ASCC1: variants seen among roughly 807,000 people sequenced by gnomAD.
ASCC1 encodes the protein ASC-1 complex subunit P50.
ASCC1 carries 35 observed loss-of-function variants against 46.6 expected under a neutral mutation model. The observed-to-expected ratio is 0.75, with a 90% CI of 0.57 to 0.99. The LOEUF (loss-of-function observed/expected upper bound fraction) is 0.99. Among genes scored for constraint, ASCC1 ranks in the 50% least tolerant of loss-of-function variants. The pLI is 0.00. For missense variants in ASCC1, 376 were observed against 428.7 expected (o/e 0.88, Z 1.09); for synonymous variants, 143 against 146.6 (o/e 0.98, Z 0.18).
intron 9 of ASCC1, among the ~76,000 whole-genome samples, chr10:72,111,850 G>C (rs1366360193): frequency 2.0e-5 from 3 of 152,120 alleles, no homozygotes. Context: ...CACTGTGTTA[G>C]CCAGGATGGT....
At chr10:72,111,609 T>C in intron 9 of ASCC1, among the ~76,000 whole-genome samples, 1 of 152,188 alleles carries the variant, frequency 6.6e-6, no homozygotes, top group East Asian at 1.9e-4. Flanking sequence ...GTATTAATTC[T>C]AAAATTGTTT....
chr10:72,103,428 G>A (rs896457350), intron 9 of ASCC1, among the ~76,000 whole-genome samples: 4 of 152,100 alleles, frequency 2.6e-5, no homozygotes, highest in South Asian at 2.1e-4. Context: ...CACCGCGCCC[G>A]GCCAATAGAT....
chr10:72,189,223 AC>A (rs1353796591), intron 5 of ASCC1, among the ~76,000 whole-genome samples: 1 of 147,996 alleles, frequency 6.8e-6, no homozygotes, highest in Non-Finnish European at 1.5e-5. Context: ...ACACGGTGAA[AC>A]CCCATCTCTA....
Position 72,097,449 on chromosome 10 carries a change from A to C in ASCC1, c.959T>G (p.Leu320Trp). The change falls in exon 10 of 10, where the codon TTG becomes TGG. Residue 320 changes from leucine to tryptophan, a missense_variant and splice_region_variant. Physicochemically the swap from Leu to Trp is moderately conservative, Grantham distance 61. Coordinates refer to ENST00000672957, the MANE Select transcript of ASCC1 (RefSeq NM_001198800.3). ...ESFDGRNILK[L>W]FENFYFGSLK... ...GGAGCCAAAGTAGAAGTTCTCAAACAACTGAAAAGGAAGAATAAAAACCCA... is the reference window on the plus strand; with the variant it reads ...GGAGCCAAAGTAGAAGTTCTCAAACCACTGAAAAGGAAGAATAAAAACCCA... 2 of 1,574,760 alleles carry C rather than the reference A, an allele frequency of 1.3e-6. No homozygotes were observed.
At chr10:72,121,530 A>C (rs1186797618) in intron 9 of ASCC1, among the ~76,000 whole-genome samples, 1 of 139,188 alleles carries the variant, frequency 7.2e-6, no homozygotes, top group Non-Finnish European at 1.5e-5. Context: ...AAAAAAAAAA[A>C]AGAAAAGTAA....
At chr10:72,152,381 T>C (rs945447047) in intron 7 of ASCC1, among the ~76,000 whole-genome samples, 15 of 152,094 alleles carry the variant, frequency 9.9e-5, no homozygotes, top group Non-Finnish European at 2.9e-5. Context: ...ATCCCCATTT[T>C]GTCCTGGTAT....
intron 5 of ASCC1, among the ~76,000 whole-genome samples, chr10:72,194,528 T>G (rs1855064474): frequency 6.6e-6 from 1 of 151,780 alleles, no homozygotes; most frequent in African/African-American, 2.4e-5. Context: ...ACATATACTG[T>G]TTTTTCACTT....
intron 7 of ASCC1, among the ~76,000 whole-genome samples, chr10:72,140,741 A>G (rs1846864921): frequency 6.6e-6 from 1 of 152,228 alleles, no homozygotes. Flanking sequence ...GTAAGCAAAA[A>G]CAATGTAAAA....
At position 72,151,992 on chromosome 10, in the gene ASCC1, A is replaced by AT. The variant is rs35458668; in HGVS notation, c.746+876dup. Reference sequence around the variant, plus strand: ...GCGTGAGCCACCGCAACCGGCCAATATTTTTTTTTTTTTTTTTGAGACAGG... The same window carrying AT: ...GCGTGAGCCACCGCAACCGGCCAATATTTTTTTTTTTTTTTTTTGAGACAGG... On this transcript the variant is annotated intron_variant, in intron 7 of 9. Transcript: ENST00000672957. Among the ~76,000 whole-genome samples, 167 of 118,214 alleles carry AT rather than the reference A, an allele frequency of 1.4e-3. 1 individual carries two copies. The highest frequency in any genetic ancestry group is 5.0e-3 in the African/African-American group (158 of 31,694). The allele number at this position is 118,214 out of a possible 152,430, so 77.6% of individuals were successfully genotyped here. A position where few individuals can be genotyped will look rare whatever the true frequency, so the allele number is the denominator to read the frequency against.
chr10:72,210,599 T>C (rs1332588815), intron 3 of ASCC1, 133 bp downstream of exon 3: 11 of 736,098 alleles, frequency 1.5e-5, no homozygotes, highest in Non-Finnish European at 2.6e-5. Context: ...CCTTTGACAT[T>C]TCAGGACATA....
At position 72,196,941 on chromosome 10, in the gene ASCC1, A is replaced by G. The variant is rs1429602898; in HGVS notation, c.359T>C (p.Ile120Thr). 2 of 1,613,650 alleles carry G rather than the reference A, an allele frequency of 1.2e-6. No individual in the cohort carries two copies. Among genetic ancestry groups the G allele is most frequent in the East Asian group, 2.2e-5 (1 of 44,876 alleles). The part of the protein sequence containing the change: ...RNGVISARTR[I>T]DVLLDTFRRK... ...TCGAAAAGTGTCCAAAAGAACATCA[A>G]TCCGTGTTCGGGCTGAAATTACACC... The change falls in exon 5 of 10, where the codon ATT (isoleucine) becomes ACT (threonine). Residue 120 changes from isoleucine (I) to threonine (T), a missense_variant. By Grantham distance (89) the Ile-to-Thr change is moderately conservative. Transcript: ENST00000672957.
intron 9 of ASCC1, among the ~76,000 whole-genome samples, chr10:72,121,037 T>A (rs898381856): frequency 3.3e-5 from 5 of 152,216 alleles, no homozygotes; most frequent in African/African-American, 1.2e-4. Context: ...ATAATCACTT[T>A]AAACATCAAT....
At chr10:72,133,281 T>C in intron 7 of ASCC1, 100 bp from the exon 8 acceptor site, 2 of 1,233,976 alleles carry the variant, frequency 1.6e-6, no homozygotes, top group South Asian at 1.2e-5. Context: ...TCTGTGCTAA[T>C]CACCATACAA....
At chr10:72,113,653 A>T (rs893491951) in intron 9 of ASCC1, among the ~76,000 whole-genome samples, 3 of 152,226 alleles carry the variant, frequency 2.0e-5, no homozygotes, top group African/African-American at 7.2e-5. Flanking sequence ...CTGAAATAAG[A>T]AGCTACAACA....
intron 1 of ASCC1, chr10:72,215,694 G>A (rs1001494323): frequency 1.3e-5 from 2 of 152,202 alleles, no homozygotes; most frequent in African/African-American, 4.8e-5. Flanking sequence ...CAGTTGTCGC[G>A]GAGACAGCAA....
intron 4 of ASCC1, among the ~76,000 whole-genome samples, chr10:72,200,645 C>T (rs2133347568): frequency 7.2e-6 from 1 of 138,918 alleles, no homozygotes; most frequent in African/African-American, 2.8e-5. Context: ...GCCTGGGCAA[C>T]AAGAGCGAAA....
At chr10:72,198,622 C>G (rs1856002924) in intron 4 of ASCC1, 1 of 455,708 alleles carries the variant, frequency 2.2e-6, no homozygotes, top group Admixed American at 2.4e-5. Flanking sequence ...AGATCCTTGT[C>G]TAGAGGATTA....
chr10:72,133,140 G>A lies in ASCC1; in HGVS notation c.788C>T (p.Ala263Val), dbSNP rs1791151600. Residue 263 changes from alanine (A) to valine (V), a missense_variant, in exon 8 of 10, where the codon GCA becomes GTA. Transcript: ENST00000672957. The stretch of plus-strand genomic sequence containing the variant: ...CCACTCTTTCACTATTAGTCCAGAT[G>A]CCTGAAAACGTTCCAGCACTCGATC... ...LVDRVLERFQ[A>V]SGLIVKEWNS... The A allele has an allele frequency of 6.2e-7, 1 of 1,613,762 alleles. No individual in the cohort carries two copies.
intron 9 of ASCC1, among the ~76,000 whole-genome samples, chr10:72,099,866 T>C (rs1466903488): frequency 6.6e-6 from 1 of 152,154 alleles, no homozygotes; most frequent in African/African-American, 2.4e-5. Context: ...TACAAGTACC[T>C]TGTGTGCTCA....
Sources: allele counts gnomAD v4.1 joint callset (sites outside exome capture counted in the v4.1 genomes callset), GRCh38; gene constraint gnomAD v4.1.1; transcripts MANE v1.5; gene names NCBI Gene and HGNC (gene_info 2026-07-23, HGNC 2026-07-21).